The following RALYL variants were observed in gnomAD, a reference collection of about 807,000 sequenced individuals.
RALYL encodes RALY RNA binding protein like, also known as RNA-binding Raly-like protein.
In RALYL, 29 loss-of-function variants were observed where a neutral mutation model predicts 35.1. The observed-to-expected ratio is 0.83, with a 90% CI of 0.61 to 1.13. The LOEUF is 1.13. Ranked by LOEUF, RALYL falls within the 50% of genes most tolerant of loss-of-function variation. RALYL has a pLI of 0.00. For missense variants in RALYL, 359 were observed against 360.4 expected (o/e 1.00, Z 0.03); for synonymous variants, 120 against 127.6 (o/e 0.94, Z 0.40).
intron 1 of RALYL, among the ~76,000 whole-genome samples, chr8:84,502,232 A>T (rs559211501): frequency 6.6e-6 from 1 of 152,022 alleles, no homozygotes. Flanking sequence ...GTGTGTGTAT[A>T]TATATCTATG....
chr8:84,871,438 G>T (rs1840175019), intron 6 of RALYL, among the ~76,000 whole-genome samples: 1 of 152,076 alleles, frequency 6.6e-6, no homozygotes, highest in Non-Finnish European at 1.5e-5. Context: ...TATTTCTCCT[G>T]CATTGAAATC....
intron 2 of RALYL, among the ~76,000 whole-genome samples, chr8:84,604,552 C>T (rs1473252961): frequency 2.6e-5 from 4 of 152,118 alleles, no homozygotes; most frequent in Admixed American, 6.5e-5. Flanking sequence ...TTCCTACATA[C>T]TTCTAATTTG....
chr8:84,573,306 A>G (rs1467803460), intron 2 of RALYL, among the ~76,000 whole-genome samples: 1 of 151,654 alleles, frequency 6.6e-6, no homozygotes, highest in Admixed American at 6.6e-5. Context: ...TTTTGTCCTC[A>G]TTTTAAGAAC....
At chr8:84,384,809 A>T (rs1858823979) in intron 1 of RALYL, among the ~76,000 whole-genome samples, 1 of 151,830 alleles carries the variant, frequency 6.6e-6, no homozygotes, top group Admixed American at 6.6e-5. Context: ...TAGCAATATC[A>T]TGCTCATTAT....
intron 2 of RALYL, among the ~76,000 whole-genome samples, chr8:84,598,196 T>C (rs1815044385): frequency 6.6e-6 from 1 of 152,186 alleles, no homozygotes; most frequent in East Asian, 1.9e-4. Flanking sequence ...GGGCAGGGTC[T>C]TGCTCTCTCA....
At chr8:84,563,916 T>C (rs959720097) in intron 2 of RALYL, among the ~76,000 whole-genome samples, 29 of 151,908 alleles carry the variant, frequency 1.9e-4, no homozygotes, top group African/African-American at 7.0e-4. Flanking sequence ...TTCAGGAGTT[T>C]CTAGAATGTT....
intron 1 of RALYL, among the ~76,000 whole-genome samples, chr8:84,245,438 T>C (rs1828872691): frequency 6.6e-6 from 1 of 152,126 alleles, no homozygotes; most frequent in African/African-American, 2.4e-5. Flanking sequence ...GTAGAGGAAT[T>C]TGGACTCCTT....
intron 1 of RALYL, among the ~76,000 whole-genome samples, chr8:84,512,489 C>G (rs1005440185): frequency 6.6e-6 from 1 of 152,070 alleles, no homozygotes; most frequent in Non-Finnish European, 1.5e-5. Context: ...ATTGTCTCCC[C>G]ACTCTGTTAA....
At chr8:84,850,368 A>C (rs4740033) in intron 5 of RALYL, among the ~76,000 whole-genome samples, 54,875 of 152,086 alleles carry the variant, frequency 0.36, 12,283 homozygotes, top group South Asian at 0.54. Flanking sequence ...AAACTCAGAA[A>C]AATAACTCCA....
chr8:84,890,840 T>TA (rs1235071287), intron 8 of RALYL, among the ~76,000 whole-genome samples: 7 of 150,786 alleles, frequency 4.6e-5, no homozygotes, highest in East Asian at 1.9e-4. Context: ...AGGATATTAG[T>TA]AAAAAAATAA....
chr8:84,838,702 A>C (rs1832546140), intron 4 of RALYL, among the ~76,000 whole-genome samples: 1 of 152,276 alleles, frequency 6.6e-6, no homozygotes, highest in Non-Finnish European at 1.5e-5. Context: ...TTGAACAAAA[A>C]AAAGCAGGTT....
At chr8:84,529,622 C>T in intron 2 of RALYL, 45 bp downstream of exon 2, 2 of 1,550,502 alleles carry the variant, frequency 1.3e-6, no homozygotes, top group Non-Finnish European at 1.8e-6. Context: ...GTTCATATAT[C>T]TGGAAATTGT....
intron 4 of RALYL, among the ~76,000 whole-genome samples, chr8:84,825,496 G>T (rs1166298057): frequency 6.6e-6 from 1 of 152,080 alleles, no homozygotes; most frequent in Non-Finnish European, 1.5e-5. Context: ...CCATTACGGG[G>T]TATATATCCA....
chr8:84,870,032 C>A (rs1378041671), intron 6 of RALYL, among the ~76,000 whole-genome samples: 1 of 152,080 alleles, frequency 6.6e-6, no homozygotes, highest in Non-Finnish European at 1.5e-5. Context: ...AAAGATACTA[C>A]AGTGATAGTG....
intron 1 of RALYL, among the ~76,000 whole-genome samples, chr8:84,242,091 G>C (rs1266248632): frequency 6.6e-6 from 1 of 152,162 alleles, no homozygotes; most frequent in Non-Finnish European, 1.5e-5. Flanking sequence ...TTACAAGTGA[G>C]AACATACAGT....
At chr8:84,796,570 A>G (rs1821949868) in intron 3 of RALYL, among the ~76,000 whole-genome samples, 1 of 152,220 alleles carries the variant, frequency 6.6e-6, no homozygotes, top group Admixed American at 6.5e-5. Context: ...ACAAGTGCTT[A>G]TCTTTGATCA....
chr8:84,586,452 A>C (rs900282858), intron 2 of RALYL, among the ~76,000 whole-genome samples: 4 of 152,242 alleles, frequency 2.6e-5, no homozygotes, highest in Non-Finnish European at 5.9e-5. Context: ...CTGGCTGTTT[A>C]CTAATGACTC....
chr8:84,688,298 C>T (rs1837260474), intron 2 of RALYL, among the ~76,000 whole-genome samples: 1 of 151,746 alleles, frequency 6.6e-6, no homozygotes. Context: ...CAAATAAAGG[C>T]AAATATGTAT....
chr8:84,451,922 C>T (rs1249661186), intron 1 of RALYL, among the ~76,000 whole-genome samples: 1 of 151,934 alleles, frequency 6.6e-6, no homozygotes, highest in Non-Finnish European at 1.5e-5. Context: ...ATGTTGTTCT[C>T]ATACTCGATA....
Sources: gnomAD v4.1 joint callset for allele counts (sites outside exome capture counted in the v4.1 genomes callset) on GRCh38, gnomAD v4.1.1 for gene constraint, MANE v1.5 for transcripts, NCBI Gene and HGNC (gene_info 2026-07-23, HGNC 2026-07-21) for gene names.